The following TNNI3K variants were observed in gnomAD, a reference collection of about 807,000 sequenced individuals.
TNNI3K encodes the protein TNNI3 interacting kinase, also known as serine/threonine-protein kinase TNNI3K.
In TNNI3K, 140 loss-of-function variants were observed where a neutral mutation model predicts 114.5. That is an observed-to-expected ratio of 1.22 (90% confidence interval 1.07 to 1.41). The LOEUF (loss-of-function observed/expected upper bound fraction) is 1.41, where lower values mean the gene tolerates loss of function less well. Ranked by LOEUF, TNNI3K falls within the 40% of genes most tolerant of loss-of-function variation. The pLI is 0.00. For missense variants in TNNI3K, 1,125 were observed against 1,007.6 expected (o/e 1.12, Z -1.58); for synonymous variants, 347 against 347.5 (o/e 1.00, Z 0.02).
At chr1:74,459,688 G>A (rs1667366202) in intron 20 of TNNI3K, among the ~76,000 whole-genome samples, 1 of 152,170 alleles carries the variant, frequency 6.6e-6, no homozygotes, top group African/African-American at 2.4e-5. Context: ...ATACATGAAT[G>A]AGGTTATCAC....
At chr1:74,323,475 T>C (rs1482067111) in intron 5 of TNNI3K, among the ~76,000 whole-genome samples, 2 of 152,020 alleles carry the variant, frequency 1.3e-5, no homozygotes, top group Non-Finnish European at 2.9e-5. Context: ...TAATGCTTCA[T>C]TCAAAATAAC....
chr1:74,484,953 G>C (rs1193034092), intron 21 of TNNI3K, among the ~76,000 whole-genome samples: 1 of 152,174 alleles, frequency 6.6e-6, no homozygotes, highest in Non-Finnish European at 1.5e-5. Context: ...AAGGGATGAT[G>C]TGGTGTAGAG....
chr1:74,292,668 T>G (rs1657753354), intron 5 of TNNI3K, among the ~76,000 whole-genome samples: 1 of 151,596 alleles, frequency 6.6e-6, no homozygotes, highest in African/African-American at 2.4e-5. Context: ...TGAATATGCA[T>G]TCTGCAGTTG....
chr1:74,509,903 G>A (rs1375951275), intron 23 of TNNI3K, among the ~76,000 whole-genome samples: 1 of 151,580 alleles, frequency 6.6e-6, no homozygotes, highest in Non-Finnish European at 1.5e-5. Flanking sequence ...ACAGGCATAC[G>A]CCACTGCACT....
At chr1:74,273,651 T>C (rs1656493002) in intron 5 of TNNI3K, among the ~76,000 whole-genome samples, 1 of 151,984 alleles carries the variant, frequency 6.6e-6, no homozygotes, top group African/African-American at 2.4e-5. Flanking sequence ...AATCATAATA[T>C]GGAAGAAGGT....
chr1:74,480,069 G>T, intron 21 of TNNI3K: 1 of 626,818 alleles, frequency 1.6e-6, no homozygotes. Flanking sequence ...GCAACCAAGT[G>T]TCTGAGATAA....
At position 74,370,278 on chromosome 1, in the gene TNNI3K, T is replaced by G. The variant is rs1662525903; in HGVS notation, c.1668-10T>G. The G allele has an allele frequency of 6.3e-7, 1 of 1,581,074 alleles. No homozygotes were observed. The highest frequency in any genetic ancestry group is 8.6e-7 in the Non-Finnish European group (1 of 1,162,262). Reference sequence around the variant, plus strand: ...ATTTCATCTCTGTTAAATCTATTTTTAAATTCTAGGATTCTTGATTTGCAG... The same window carrying G: ...ATTTCATCTCTGTTAAATCTATTTTGAAATTCTAGGATTCTTGATTTGCAG... On this transcript the variant is annotated splice_polypyrimidine_tract_variant and intron_variant, in intron 16 of 24. Transcript: ENST00000326637.
chr1:74,249,608 C>T (rs1199223603), intron 3 of TNNI3K, 64 bp downstream of exon 3: 29 of 1,523,394 alleles, frequency 1.9e-5, no homozygotes, highest in Non-Finnish European at 2.6e-5. Flanking sequence ...GTGACTTGAG[C>T]TGCTTAATAG....
intron 20 of TNNI3K, among the ~76,000 whole-genome samples, chr1:74,451,709 T>A (rs866481665): frequency 1.3e-5 from 1 of 76,382 alleles, no homozygotes; most frequent in African/African-American, 5.4e-5. Flanking sequence ...CTTTCTTTCT[T>A]TCTTTCTTTC....
At chr1:74,358,515 T>G (rs766631026) in intron 11 of TNNI3K, among the ~76,000 whole-genome samples, 3 of 151,988 alleles carry the variant, frequency 2.0e-5, no homozygotes, top group Non-Finnish European at 4.4e-5. Flanking sequence ...AACTGAGAAA[T>G]GAGGGTGGGA....
chr1:74,350,201 C>T (rs1661260386), intron 9 of TNNI3K, among the ~76,000 whole-genome samples: 1 of 152,122 alleles, frequency 6.6e-6, no homozygotes, highest in South Asian at 2.1e-4. Context: ...CAAAGAACAT[C>T]TTTATGTCTG....
intron 22 of TNNI3K, among the ~76,000 whole-genome samples, chr1:74,490,438 T>C (rs1457269163): frequency 6.6e-6 from 1 of 152,168 alleles, no homozygotes; most frequent in Non-Finnish European, 1.5e-5. Context: ...GATAGATATA[T>C]CTGGAGGTGG....
Position 74,369,542 on chromosome 1 carries a change from A to T in TNNI3K, c.1624A>T (p.Ile542Leu). ...PSQFAIVTQY[I>L]SGGSLFSLLH... ...CCAGTTTGCCATTGTCACTCAATAC[A>T]TATCAGGGGGTTCTCTGTTCTCCCT... is the stretch of plus-strand genomic sequence containing the variant. The change falls in exon 16 of 25, where the codon ATA becomes TTA. Residue 542 changes from isoleucine to leucine, a missense_variant. Physicochemically the swap from Ile to Leu is conservative, Grantham distance 5. Coordinates refer to ENST00000326637, the MANE Select transcript of TNNI3K (RefSeq NM_015978.3). 1 of 1,612,084 alleles carries T rather than the reference A, an allele frequency of 6.2e-7. No individual in the cohort carries two copies. The highest frequency in any genetic ancestry group is 8.5e-7 in the Non-Finnish European group (1 of 1,178,864).
chr1:74,289,743 CT>C (rs746597142), intron 5 of TNNI3K, among the ~76,000 whole-genome samples: 4 of 151,910 alleles, frequency 2.6e-5, no homozygotes, highest in African/African-American at 4.8e-5. Context: ...GTTTCTCCCC[CT>C]AACCTCATAC....
At chr1:74,328,417 A>G (rs932263363) in intron 5 of TNNI3K, among the ~76,000 whole-genome samples, 8 of 152,130 alleles carry the variant, frequency 5.3e-5, no homozygotes, top group Non-Finnish European at 1.0e-4. Context: ...CACGTGACGG[A>G]CAATATACCA....
intron 23 of TNNI3K, among the ~76,000 whole-genome samples, chr1:74,501,873 G>GTT (rs576051108): frequency 3.8e-4 from 58 of 151,568 alleles, no homozygotes; most frequent in Admixed American, 1.4e-3. Context: ...ACTTCTGAGG[G>GTT]TTATATATAT....
At chr1:74,505,433 T>C (rs1669843507) in intron 23 of TNNI3K, among the ~76,000 whole-genome samples, 1 of 152,180 alleles carries the variant, frequency 6.6e-6, no homozygotes, top group Admixed American at 6.5e-5. Context: ...CAATAAGAAG[T>C]GGGTGATGCT....
chr1:74,337,395 T>G (rs1660529819), intron 7 of TNNI3K, among the ~76,000 whole-genome samples: 1 of 151,904 alleles, frequency 6.6e-6, no homozygotes, highest in Non-Finnish European at 1.5e-5. Context: ...TTGCCATTGC[T>G]TTTGGTGTTT....
At chr1:74,250,609 A>G (rs1329869323) in intron 3 of TNNI3K, 63 bp from the exon 4 acceptor site, 1 of 1,490,808 alleles carries the variant, frequency 6.7e-7, no homozygotes, top group African/African-American at 1.4e-5. Context: ...ATTAGGTCAA[A>G]AAGAGTCTCA....
Sources: allele counts gnomAD v4.1 joint callset (sites outside exome capture counted in the v4.1 genomes callset), GRCh38; gene constraint gnomAD v4.1.1; transcripts MANE v1.5; gene names NCBI Gene and HGNC (gene_info 2026-07-23, HGNC 2026-07-21).